Variants in CUX1 observed in about 807,000 individuals in gnomAD.
The protein encoded by CUX1 is protein CASP.
In CUX1, 31 loss-of-function variants were observed where a neutral mutation model predicts 158.8. The ratio of observed to expected loss-of-function variants is 0.20; its 90% CI spans 0.15 to 0.26. The LOEUF (loss-of-function observed/expected upper bound fraction) is 0.26. CUX1 is among the 10% of genes least tolerant of loss of function. The pLI is 1.00. For synonymous variants in CUX1, 879 were observed against 862.1 expected, an observed-to-expected ratio of 1.02 and a Z score of -0.34; for missense variants, 1,589 against 2,014.6, an observed-to-expected ratio of 0.79 and a Z score of 4.04.
At chr7:102,192,204 C>T (rs1223831913) in intron 12 of CUX1, among the ~76,000 whole-genome samples, 1 of 152,216 alleles carries the variant, frequency 6.6e-6, no homozygotes, top group Non-Finnish European at 1.5e-5. Flanking sequence ...GATCCTCATG[C>T]ACTGCAGCAC....
At chr7:101,946,304 C>A (rs962178118) in intron 2 of CUX1, among the ~76,000 whole-genome samples, 2 of 151,944 alleles carry the variant, frequency 1.3e-5, no homozygotes, top group Admixed American at 6.6e-5. Context: ...TTTGGCAGGC[C>A]AAGGCATGTG....
intron 11 of CUX1, chr7:102,187,039 A>C (rs570259562): frequency 6.6e-6 from 1 of 152,174 alleles, no homozygotes; most frequent in East Asian, 1.9e-4. Context: ...CTCAAAAAAA[A>C]AAGACTCTTA....
At chr7:101,816,677 C>T (rs1235270470), upstream of CUX1, among the ~76,000 whole-genome samples, 4 of 145,198 alleles carry the variant, frequency 2.8e-5, no homozygotes, top group Admixed American at 1.4e-4. Flanking sequence ...GAGGAGCCGC[C>T]GCCACTGCCG....
intron 14 of CUX1, among the ~76,000 whole-genome samples, chr7:102,267,901 CCAGCGA>C (rs1790928461): frequency 6.7e-4 from 8 of 11,970 alleles, no homozygotes; most frequent in Admixed American, 1.9e-3. Context: ...CACCTGAGCT[CCAGCGA>C]TGCTACCACC....
chr7:102,226,491 GCACCA>G (rs1377899786), intron 20 of CUX1, among the ~76,000 whole-genome samples: 2 of 152,072 alleles, frequency 1.3e-5, no homozygotes, highest in Non-Finnish European at 2.9e-5. Flanking sequence ...AGCCGTGATT[GCACCA>G]CTGCACTCCA....
intron 2 of CUX1, among the ~76,000 whole-genome samples, chr7:101,934,326 A>G (rs1393189845): frequency 1.3e-5 from 2 of 152,202 alleles, no homozygotes; most frequent in Non-Finnish European, 2.9e-5. Flanking sequence ...TGTTTTAAAA[A>G]GTTGCCACCT....
rs546519997 is a variant in CUX1, at chr7:102,279,539, G to C, written c.1681-498G>C. ...CCCTTTCTATGAGTGAGAGAAGAGC[G>C]TGGGGCATAGTGGGGCAGGGATTCA... On this transcript the variant is annotated intron_variant, in intron 18 of 22. Coordinates refer to the CUX1 transcript ENST00000292538. 1.3e-3 allele frequency among the ~76,000 whole-genome samples: 196 copies of C among 152,214 alleles called. 2 individuals carry two copies. The highest frequency in any genetic ancestry group is 4.7e-3 in the African/African-American group (195 of 41,530).
chr7:102,123,123 C>T (rs1005978929), intron 8 of CUX1, among the ~76,000 whole-genome samples: 3 of 151,744 alleles, frequency 2.0e-5, no homozygotes, highest in Non-Finnish European at 2.9e-5. Flanking sequence ...CCCAGCTACA[C>T]GGGAGGCTAA....
At chr7:102,096,434 C>G (rs1384215533) in intron 4 of CUX1, among the ~76,000 whole-genome samples, 2 of 152,188 alleles carry the variant, frequency 1.3e-5, no homozygotes, top group African/African-American at 4.8e-5. Flanking sequence ...TCACTCAGGG[C>G]TGGGTGGGGT....
intron 1 of CUX1, among the ~76,000 whole-genome samples, chr7:101,876,911 G>T (rs973850506): frequency 1.6e-5 from 2 of 128,034 alleles, no homozygotes; most frequent in Non-Finnish European, 3.4e-5. Context: ...ACCGCACCCG[G>T]CCTCTGATCT....
intron 20 of CUX1, among the ~76,000 whole-genome samples, chr7:102,205,880 C>T (rs558788973): frequency 1.3e-5 from 2 of 152,254 alleles, no homozygotes; most frequent in South Asian, 4.2e-4. Context: ...CTCTCGTCTG[C>T]GCCCCCCCGC....
intron 1 of CUX1, among the ~76,000 whole-genome samples, chr7:101,865,841 C>T (rs1205840408): frequency 6.6e-6 from 1 of 152,218 alleles, no homozygotes; most frequent in Non-Finnish European, 1.5e-5. Flanking sequence ...CACCGGCCCT[C>T]ATGGGACTTC....
chr7:102,281,939 G>A (rs551877913), intron 21 of CUX1: 45 of 1,562,356 alleles, frequency 2.9e-5, no homozygotes, highest in African/African-American at 6.8e-5. Context: ...GCACACGGGC[G>A]GGCCAGAGGC....
At chr7:101,944,563 G>A (rs1808143662) in intron 2 of CUX1, among the ~76,000 whole-genome samples, 1 of 152,224 alleles carries the variant, frequency 6.6e-6, no homozygotes, top group Non-Finnish European at 1.5e-5. Context: ...TGAGGGAAGT[G>A]GGGATCTGCC....
chr7:102,252,406 T>G lies in CUX1; in HGVS notation c.*3364T>G. 1.0e-6 allele frequency: 1 copy of G among 985,450 alleles called. No individual in the cohort carries two copies. Among genetic ancestry groups the G allele is most frequent in the South Asian group, 4.7e-5 (1 of 21,290 alleles). 61.0% of individuals were successfully genotyped at this position (985,450 alleles called of 1,614,324 possible). Reference sequence around the variant, plus strand: ...CAGCCGACCCCCTTCCTCTTCACGCTCTATGAGTTTAAAAAGCTGATTTGT... The same window carrying G: ...CAGCCGACCCCCTTCCTCTTCACGCGCTATGAGTTTAAAAAGCTGATTTGT... On this transcript the variant is annotated 3_prime_UTR_variant, in exon 24 of 24. Coordinates refer to ENST00000292535, the MANE Select transcript of CUX1 (RefSeq NM_181552.4).
chr7:102,088,041 A>G (rs1357052338), intron 4 of CUX1, among the ~76,000 whole-genome samples: 1 of 151,026 alleles, frequency 6.6e-6, no homozygotes, highest in Non-Finnish European at 1.5e-5. Flanking sequence ...TCTGTCACCC[A>G]GGCTGGAGTG....
intron 1 of CUX1, among the ~76,000 whole-genome samples, chr7:101,882,941 A>G (rs1799863845): frequency 1.3e-5 from 2 of 151,990 alleles, no homozygotes; most frequent in Non-Finnish European, 2.9e-5. Flanking sequence ...CGGGCCTCTA[A>G]GGCCCTGCTG....
At chr7:102,138,030 T>TA (rs1303301473) in intron 8 of CUX1, among the ~76,000 whole-genome samples, 1 of 151,852 alleles carries the variant, frequency 6.6e-6, no homozygotes, top group Non-Finnish European at 1.5e-5. Context: ...TAAAAAAAGT[T>TA]AAAAATTAGC....
intron 23 of CUX1, among the ~76,000 whole-genome samples, chr7:102,242,395 G>A (rs1172983341): frequency 6.6e-6 from 1 of 151,860 alleles, no homozygotes; most frequent in Non-Finnish European, 1.5e-5. Flanking sequence ...ATTTCTAGTA[G>A]AGACTGGGTT....
Sources: gnomAD v4.1 joint callset for allele counts (sites outside exome capture counted in the v4.1 genomes callset) on GRCh38, gnomAD v4.1.1 for gene constraint, MANE v1.5 for transcripts, NCBI Gene and HGNC (gene_info 2026-07-23, HGNC 2026-07-21) for gene names.